Variants in DPP10 observed in about 807,000 individuals in gnomAD.
DPP10 encodes the protein dipeptidyl peptidase like 10, also known as inactive dipeptidyl peptidase 10.
A neutral mutation model predicts 120.9 loss-of-function variants in DPP10; 33 were observed. The observed-to-expected ratio is 0.27, with a 90% CI of 0.21 to 0.37. The LOEUF (loss-of-function observed/expected upper bound fraction) is 0.37. Among genes scored for constraint, DPP10 ranks in the 10% least tolerant of loss-of-function variants. DPP10 has a pLI of 1.00. For synonymous variants in DPP10, 337 were observed against 326.1 expected, an observed-to-expected ratio of 1.03 and a Z score of -0.36; for missense variants, 816 against 942.8, an observed-to-expected ratio of 0.87 and a Z score of 1.76.
At chr2:114,480,058 A>T (rs2104670177) in intron 1 of DPP10, among the ~76,000 whole-genome samples, 1 of 152,346 alleles carries the variant, frequency 6.6e-6, no homozygotes, top group South Asian at 2.1e-4. Context: ...AAGGATATGA[A>T]CAGACATTTC....
At chr2:115,423,244 AG>A (rs1325213415) in intron 3 of DPP10, among the ~76,000 whole-genome samples, 2 of 152,076 alleles carry the variant, frequency 1.3e-5, no homozygotes, top group African/African-American at 4.8e-5. Context: ...TCTTTAAAAG[AG>A]GTTTATAATC....
chr2:115,656,524 A>T (rs1418402449), intron 5 of DPP10, among the ~76,000 whole-genome samples: 6 of 151,654 alleles, frequency 4.0e-5, no homozygotes, highest in African/African-American at 9.7e-5. Flanking sequence ...ATCTGTCGGT[A>T]TGAGAAAGGA....
intron 1 of DPP10, among the ~76,000 whole-genome samples, chr2:114,705,725 G>A (rs76210456): frequency 4.4e-4 from 67 of 152,240 alleles, no homozygotes; most frequent in African/African-American, 1.6e-3. Flanking sequence ...AAAAGGGAGA[G>A]GAGAGTATAC....
At chr2:114,957,047 T>A (rs1289481052) in intron 1 of DPP10, among the ~76,000 whole-genome samples, 2 of 148,084 alleles carry the variant, frequency 1.4e-5, no homozygotes, top group African/African-American at 4.9e-5. Flanking sequence ...TCTTGGATAT[T>A]AGCAAAAAAA....
chr2:115,508,257 A>G (rs1398269628), intron 4 of DPP10, among the ~76,000 whole-genome samples: 1 of 152,144 alleles, frequency 6.6e-6, no homozygotes, highest in Non-Finnish European at 1.5e-5. Flanking sequence ...TATATTGCCT[A>G]TGATTATTTG....
intron 1 of DPP10, among the ~76,000 whole-genome samples, chr2:115,254,395 T>C (rs1369852196): frequency 6.6e-6 from 1 of 152,110 alleles, no homozygotes; most frequent in Non-Finnish European, 1.5e-5. Flanking sequence ...CCATGACACA[T>C]GAGGATTATG....
chr2:115,670,387 C>G (rs1005219024), intron 5 of DPP10, among the ~76,000 whole-genome samples: 20 of 152,056 alleles, frequency 1.3e-4, no homozygotes, highest in African/African-American at 4.3e-4. Flanking sequence ...TTTTCTCATC[C>G]TTTTCTAGTA....
At chr2:115,189,728 G>A (rs903278502) in intron 1 of DPP10, among the ~76,000 whole-genome samples, 10 of 152,108 alleles carry the variant, frequency 6.6e-5, no homozygotes, top group African/African-American at 2.4e-4. Flanking sequence ...TGTGGAGGAC[G>A]TTTTAGTAAG....
intron 2 of DPP10, among the ~76,000 whole-genome samples, chr2:115,315,195 A>T (rs980160345): frequency 7.0e-4 from 15 of 21,434 alleles, no homozygotes; most frequent in African/African-American, 8.8e-4. Flanking sequence ...ACAACAGATT[A>T]AAAAAAAAAG....
intron 5 of DPP10, among the ~76,000 whole-genome samples, chr2:115,625,283 G>A (rs1287324948): frequency 1.3e-5 from 2 of 152,110 alleles, no homozygotes; most frequent in Admixed American, 6.5e-5. Context: ...AAGGGAAAAT[G>A]TAAGTGTGGA....
rs1695039287 is a variant in DPP10, at chr2:114,632,892, A to G, written c.60+190054A>G. Among the ~76,000 whole-genome samples, 4 of 152,138 alleles carry G rather than the reference A, an allele frequency of 2.6e-5. No individual in the cohort carries two copies. In the South Asian group the frequency reaches 8.3e-4, roughly 31 times the overall value. On this transcript the variant is annotated intron_variant, in intron 1 of 25. Transcript: ENST00000410059. ...TGCTGCTAAAATTATCCCAAATTTG[A>G]CAAGGAATGTTCCTTCAGGCTGGCT... is the stretch of plus-strand genomic sequence containing the variant.
At chr2:115,188,629 C>T (rs951919962) in intron 1 of DPP10, among the ~76,000 whole-genome samples, 3 of 152,146 alleles carry the variant, frequency 2.0e-5, no homozygotes, top group Non-Finnish European at 1.5e-5. Flanking sequence ...GGAATTTATA[C>T]TACACTGCAA....
At chr2:114,673,976 T>G (rs886858453) in intron 1 of DPP10, among the ~76,000 whole-genome samples, 1 of 152,120 alleles carries the variant, frequency 6.6e-6, no homozygotes, top group Non-Finnish European at 1.5e-5. Context: ...CATGAATTAT[T>G]TATACTCTAT....
intron 3 of DPP10, among the ~76,000 whole-genome samples, chr2:115,439,376 C>T (rs1416110723): frequency 5.9e-5 from 9 of 152,168 alleles, no homozygotes; most frequent in Non-Finnish European, 4.4e-5. Context: ...AATGATGAAA[C>T]GTGTCAGGAC....
chr2:115,802,187 T>C (rs1329289637), intron 19 of DPP10, among the ~76,000 whole-genome samples: 1 of 152,222 alleles, frequency 6.6e-6, no homozygotes, highest in East Asian at 1.9e-4. Context: ...GAGGAATTTA[T>C]CCATTTCTTC....
At chr2:115,212,040 T>G (rs1574028582) in intron 1 of DPP10, among the ~76,000 whole-genome samples, 1 of 152,318 alleles carries the variant, frequency 6.6e-6, no homozygotes, top group South Asian at 2.1e-4. Flanking sequence ...AGCTCTGACC[T>G]TAACCTGCAG....
intron 1 of DPP10, among the ~76,000 whole-genome samples, chr2:114,775,090 T>C (rs1681606411): frequency 2.0e-5 from 3 of 152,120 alleles, no homozygotes; most frequent in Admixed American, 6.5e-5. Flanking sequence ...CACCCTTGAC[T>C]CTGTATGATA....
At chr2:115,236,051 A>C (rs972517064) in intron 1 of DPP10, among the ~76,000 whole-genome samples, 1 of 152,216 alleles carries the variant, frequency 6.6e-6, no homozygotes, top group African/African-American at 2.4e-5. Flanking sequence ...ACAAGCAACC[A>C]AAACAAAACC....
intron 1 of DPP10, among the ~76,000 whole-genome samples, chr2:114,885,763 T>C (rs1482520490): frequency 1.3e-5 from 2 of 152,316 alleles, no homozygotes; most frequent in East Asian, 1.9e-4. Flanking sequence ...TGCTACTCAG[T>C]GAAGACTGTA....
Sources: allele counts gnomAD v4.1 joint callset (sites outside exome capture counted in the v4.1 genomes callset), GRCh38; gene constraint gnomAD v4.1.1; transcripts MANE v1.5; gene names NCBI Gene and HGNC (gene_info 2026-07-23, HGNC 2026-07-21).